Variants in LRRC7 observed in about 807,000 individuals in gnomAD.
LRRC7 encodes the protein leucine rich repeat containing 7, also known as leucine-rich repeat-containing protein 7.
LRRC7 carries 23 observed loss-of-function variants against 175.7 expected under a neutral mutation model. That is an observed-to-expected ratio of 0.13 (90% CI 0.09 to 0.19). The LOEUF (loss-of-function observed/expected upper bound fraction) is 0.19, where lower values mean the gene tolerates loss of function less well. Among genes scored for constraint, LRRC7 ranks in the 10% least tolerant of loss-of-function variants. The probability of loss-of-function intolerance (pLI) is 1.00; values close to 1 mark genes in which losing one functional copy is unlikely to be tolerated. For synonymous variants in LRRC7, 685 were observed against 680.9 expected (o/e 1.01, Z -0.09); for missense variants, 1,354 against 1,904.7 (o/e 0.71, Z 5.38).
chr1:70,002,452 C>T (rs368357498), intron 11 of LRRC7, among the ~76,000 whole-genome samples: 12 of 152,142 alleles, frequency 7.9e-5, no homozygotes, highest in African/African-American at 2.7e-4. Flanking sequence ...ATTTCTTTTT[C>T]CAGATGTAAT....
chr1:69,679,628 A>T (rs573483833), intron 2 of LRRC7, among the ~76,000 whole-genome samples: 29 of 152,166 alleles, frequency 1.9e-4, no homozygotes, highest in Admixed American at 1.8e-3. Context: ...TAAGATGCCA[A>T]CTCTTGCATA....
chr1:70,079,788 C>T (rs1663076530), intron 24 of LRRC7, among the ~76,000 whole-genome samples: 1 of 152,184 alleles, frequency 6.6e-6, no homozygotes, highest in South Asian at 2.1e-4. Flanking sequence ...GCCCTGCTGT[C>T]ACCATCTTGT....
chr1:69,883,972 A>G, intron 7 of LRRC7, among the ~76,000 whole-genome samples: 2 of 68,500 alleles, frequency 2.9e-5, no homozygotes, highest in African/African-American at 1.1e-4. Context: ...CCATTGATCT[A>G]TATCTCTGTT....
intron 7 of LRRC7, among the ~76,000 whole-genome samples, chr1:69,880,178 C>T (rs12739761): frequency 0.36 from 54,970 of 151,862 alleles, 12,158 homozygotes; most frequent in East Asian, 0.55. Flanking sequence ...TTTTTCCTTC[C>T]TCCTTTCCCA....
At chr1:70,031,271 T>C (rs1658688259) in intron 18 of LRRC7, 1 of 152,210 alleles carries the variant, frequency 6.6e-6, no homozygotes, top group Non-Finnish European at 1.5e-5. Context: ...AAATGAATGA[T>C]TGATATAGTC....
intron 23 of LRRC7, among the ~76,000 whole-genome samples, chr1:70,068,982 G>A (rs1662180427): frequency 1.3e-5 from 2 of 151,996 alleles, no homozygotes; most frequent in African/African-American, 4.8e-5. Context: ...AAACCATCTG[G>A]GCCTGGATAT....
intron 22 of LRRC7, 115 bp from the exon 23 acceptor site, chr1:70,052,911 G>A: frequency 1.8e-6 from 2 of 1,082,350 alleles, no homozygotes; most frequent in African/African-American, 1.6e-5. Flanking sequence ...CAGGATGTAT[G>A]TTTTTCTGCA....
chr1:70,076,374 A>G, intron 24 of LRRC7, 76 bp downstream of exon 24: 2 of 1,312,564 alleles, frequency 1.5e-6, no homozygotes, highest in Non-Finnish European at 2.2e-6. Context: ...GCCTTCCCTC[A>G]TTAATGTGGT....
At chr1:69,673,917 G>C (rs1218622190) in intron 1 of LRRC7, among the ~76,000 whole-genome samples, 1 of 151,918 alleles carries the variant, frequency 6.6e-6, no homozygotes, top group Non-Finnish European at 1.5e-5. Flanking sequence ...AGTGACAATA[G>C]CAAAATGATA....
intron 1 of LRRC7, among the ~76,000 whole-genome samples, chr1:69,677,269 T>C (rs926801051): frequency 2.6e-5 from 3 of 116,184 alleles, no homozygotes; most frequent in Non-Finnish European, 5.6e-5. Flanking sequence ...ATATATCATA[T>C]ATGTATCATA....
intron 4 of LRRC7, among the ~76,000 whole-genome samples, chr1:69,809,584 G>A (rs1677567075): frequency 6.6e-6 from 1 of 152,100 alleles, no homozygotes; most frequent in African/African-American, 2.4e-5. Flanking sequence ...ACACCATCAA[G>A]TTGGCTTCAT....
chr1:70,039,559 A>G lies in LRRC7; in HGVS notation c.3735A>G (p.Thr1245=). The G allele has an allele frequency of 1.2e-6, 2 of 1,614,148 alleles. No homozygotes were observed. Among genetic ancestry groups the G allele is most frequent in the Non-Finnish European group, 1.7e-6 (2 of 1,180,024 alleles). ...CATTGTCTGCGAGAAGCTACAGTAC[A>G]GAGAGTTACGGTGCCTCCCAAACCA... ...RRPLSARSYS[T]ESYGASQTRP... is the part of the protein sequence containing the mutation. The change falls in exon 21 of 27, where the codon ACA becomes ACG. Residue 1245 remains threonine, a synonymous_variant. Transcript: ENST00000651989.
chr1:69,646,723 T>C (rs1288600858), intron 1 of LRRC7, among the ~76,000 whole-genome samples: 1 of 152,154 alleles, frequency 6.6e-6, no homozygotes, highest in Non-Finnish European at 1.5e-5. Context: ...TTCTGAAAAA[T>C]CTGTATCAAT....
chr1:69,589,999 G>T (rs535737851), intron 1 of LRRC7, among the ~76,000 whole-genome samples: 26 of 152,170 alleles, frequency 1.7e-4, no homozygotes, highest in Non-Finnish European at 2.8e-4. Flanking sequence ...TAGCTTCTTT[G>T]TCCTCGGCTA....
At chr1:70,118,176 G>A (rs370721710) in intron 26 of LRRC7, among the ~76,000 whole-genome samples, 3 of 151,840 alleles carry the variant, frequency 2.0e-5, no homozygotes, top group East Asian at 1.9e-4. Context: ...AGCCCTACAC[G>A]AATATAGTAA....
chr1:69,776,411 C>A (rs190038155), intron 3 of LRRC7, among the ~76,000 whole-genome samples: 1 of 152,128 alleles, frequency 6.6e-6, no homozygotes. Context: ...AAGTTATCTT[C>A]TATTCCAAAT....
chr1:69,616,158 C>A (rs972034620), intron 1 of LRRC7, among the ~76,000 whole-genome samples: 1 of 151,992 alleles, frequency 6.6e-6, no homozygotes, highest in Non-Finnish European at 1.5e-5. Flanking sequence ...GTAAATATCG[C>A]ATTTACTTAA....
intron 2 of LRRC7, among the ~76,000 whole-genome samples, chr1:69,756,022 A>G (rs1203467930): frequency 1.3e-5 from 2 of 151,960 alleles, no homozygotes; most frequent in Non-Finnish European, 2.9e-5. Flanking sequence ...GACCAAGGGG[A>G]AAAAGACAGA....
intron 23 of LRRC7, among the ~76,000 whole-genome samples, chr1:70,066,163 C>T (rs765211033): frequency 2.0e-5 from 3 of 151,876 alleles, no homozygotes; most frequent in African/African-American, 4.8e-5. Flanking sequence ...CTTTTGTTCT[C>T]ATTGCCATTA....
Sources: gnomAD v4.1 joint callset for allele counts (sites outside exome capture counted in the v4.1 genomes callset) on GRCh38, gnomAD v4.1.1 for gene constraint, MANE v1.5 for transcripts, NCBI Gene and HGNC (gene_info 2026-07-23, HGNC 2026-07-21) for gene names.